SLF1: variants seen among roughly 807,000 people sequenced by gnomAD.
SLF1 encodes SMC5/6 complex localization factor 1.
SLF1 carries 105 observed loss-of-function variants against 123.0 expected under a neutral mutation model. That is an observed-to-expected ratio of 0.85 (90% CI 0.73 to 1.00). The LOEUF (loss-of-function observed/expected upper bound fraction) is 1.00. Among genes scored for constraint, SLF1 ranks in the 50% least tolerant of loss-of-function variants. The pLI, the probability that SLF1 is intolerant of heterozygous loss-of-function variation, is 0.00. For synonymous variants in SLF1, 434 were observed against 406.6 expected (o/e 1.07, Z -0.81); for missense variants, 1,239 against 1,223.0 (o/e 1.01, Z -0.20).
chr5:94,689,732 C>A (rs1752868378), intron 18 of SLF1, 126 bp downstream of exon 18: 10 of 765,482 alleles, frequency 1.3e-5, no homozygotes, highest in South Asian at 6.8e-5. Flanking sequence ...CCAGGAAGTA[C>A]CTTCTTGGAT....
chr5:94,648,333 G>A (rs574525064), intron 5 of SLF1, among the ~76,000 whole-genome samples: 6 of 152,182 alleles, frequency 3.9e-5, no homozygotes, highest in Non-Finnish European at 7.3e-5. Flanking sequence ...AAAAGGAACG[G>A]CCCTCATTTT....
rs149355059 is a variant in SLF1, at chr5:94,680,054, T to C, written c.1975+1099T>C. ...ATTATTTTTATATACTTTTATATAC[T>C]TGATATTTTAAACTGCCAAATAAGT... On this transcript the variant is annotated intron_variant, in intron 15 of 20. Coordinates refer to ENST00000265140, the MANE Select transcript of SLF1 (RefSeq NM_032290.4). Among the ~76,000 whole-genome samples the C allele has an allele frequency of 3.3e-5, 5 of 152,340 alleles. No individual in the cohort carries two copies. The East Asian group carries it at 7.7e-4, about 23-fold the overall frequency.
chr5:94,626,344 G>A (rs1035584331), intron 1 of SLF1, among the ~76,000 whole-genome samples: 1 of 151,662 alleles, frequency 6.6e-6, no homozygotes, highest in African/African-American at 2.4e-5. Context: ...ATAGTGTTTC[G>A]TGTATATGAT....
chr5:94,633,342 T>G (rs1450026519), intron 4 of SLF1, among the ~76,000 whole-genome samples: 1 of 152,236 alleles, frequency 6.6e-6, no homozygotes, highest in Non-Finnish European at 1.5e-5. Context: ...TAAACTGTAC[T>G]TCATCATGGT....
chr5:94,653,470 T>C (rs1178090940), intron 8 of SLF1, 49 bp downstream of exon 8: 1 of 1,404,272 alleles, frequency 7.1e-7, no homozygotes, highest in East Asian at 2.8e-5. Flanking sequence ...TTTTTGGCTG[T>C]TCTCTGATAT....
At chr5:94,683,571 A>T (rs1752068038) in intron 15 of SLF1, among the ~76,000 whole-genome samples, 1 of 152,222 alleles carries the variant, frequency 6.6e-6, no homozygotes, top group African/African-American at 2.4e-5. Flanking sequence ...CATGAAGAGT[A>T]AGTAGAAGTT....
At chr5:94,682,170 G>A (rs1209316885) in intron 15 of SLF1, among the ~76,000 whole-genome samples, 6 of 152,174 alleles carry the variant, frequency 3.9e-5, no homozygotes, top group Non-Finnish European at 7.3e-5. Context: ...ATCTTTGAGA[G>A]CAAAATAATC....
At chr5:94,627,588 A>ATATATC (rs201555353) in intron 1 of SLF1, among the ~76,000 whole-genome samples, 1 of 74,564 alleles carries the variant, frequency 1.3e-5, no homozygotes, top group African/African-American at 7.2e-5. Context: ...AAATTAACAT[A>ATATATC]TATATATATA....
Position 94,688,527 on chromosome 5 carries a change from T to C in SLF1, c.2143T>C (p.Leu715=). 6.2e-7 allele frequency: 1 copy of C among 1,614,086 alleles called. No individual in the cohort carries two copies. The highest frequency in any genetic ancestry group is 8.5e-7 in the Non-Finnish European group (1 of 1,179,984). ...ACAGGTATATTCCTATTTACCAGCC[T>C]TGGGGAAAACTGGTGTGCTTGGGTC... The part of the protein sequence containing the change: ...QKMVYSYLPA[L]GKTGVLGSGK... Residue 715 remains leucine (L), a synonymous_variant, in exon 17 of 21, where the codon TTG becomes CTG. Coordinates refer to ENST00000265140, the MANE Select transcript of SLF1 (RefSeq NM_032290.4).
At chr5:94,663,722 C>T in intron 10 of SLF1, 28 bp from the exon 11 acceptor site, 1 of 1,459,240 alleles carries the variant, frequency 6.9e-7, no homozygotes, top group South Asian at 1.4e-5. Context: ...TTTCTTTTCT[C>T]TGAATCATAG....
chr5:94,677,634 T>C (rs1396732692), intron 14 of SLF1, among the ~76,000 whole-genome samples: 1 of 152,018 alleles, frequency 6.6e-6, no homozygotes, highest in African/African-American at 2.4e-5. Context: ...AATTTAGTGA[T>C]TTTTTTTCCT....
rs936742349 is a variant in SLF1, at chr5:94,618,687, G to C, written c.-79G>C. Reference sequence around the variant, plus strand: ...ATTGTTTCCCAGAGCCCGGATTCGTGAAGCAGTTGAGTGCTGCAGCGGCAG... The same window carrying C: ...ATTGTTTCCCAGAGCCCGGATTCGTCAAGCAGTTGAGTGCTGCAGCGGCAG... On this transcript the variant is annotated 5_prime_UTR_variant, in exon 1 of 21. Transcript: ENST00000265140. 1 of 154,816 alleles carries C rather than the reference G, an allele frequency of 6.5e-6. No homozygotes were observed. Among genetic ancestry groups the C allele is most frequent in the African/African-American group, 2.4e-5 (1 of 41,536 alleles). The allele number at this position is 154,816 out of a possible 1,614,324, so 9.6% of individuals were successfully genotyped here. A position where few individuals can be genotyped will look rare whatever the true frequency, so the allele number is the denominator to read the frequency against.
At chr5:94,633,355 A>AT (rs930481423) in intron 4 of SLF1, among the ~76,000 whole-genome samples, 1 of 152,070 alleles carries the variant, frequency 6.6e-6, no homozygotes, top group Non-Finnish European at 1.5e-5. Flanking sequence ...ATCATGGTGT[A>AT]TTTTTTCTGG....
intron 4 of SLF1, among the ~76,000 whole-genome samples, chr5:94,637,889 A>G (rs1251536972): frequency 6.6e-6 from 1 of 151,996 alleles, no homozygotes; most frequent in Non-Finnish European, 1.5e-5. Context: ...AGTACTGTTG[A>G]AATTCCCAGT....
intron 9 of SLF1, among the ~76,000 whole-genome samples, chr5:94,658,942 C>T (rs1748748574): frequency 1.3e-5 from 1 of 76,360 alleles, no homozygotes; most frequent in Non-Finnish European, 2.6e-5. Flanking sequence ...TTCTTAAGTT[C>T]CAGGATTTCA....
chr5:94,643,355 A>G lies in SLF1; in HGVS notation c.514A>G (p.Arg172Gly), dbSNP rs1280003303. ...AACTCATGTGATTGCCAGTAATGCA[A>G]GAATTAAAGCTGAGAAAGAAAAAGA... ...GITHVIASNA[R>G]IKAEKEKDNF... The change falls in exon 5 of 21, where the codon AGA (arginine) becomes GGA (glycine). Residue 172 changes from arginine (R) to glycine (G), a missense_variant. By Grantham distance (125) the Arg-to-Gly change is moderately radical. Coordinates refer to ENST00000265140, the MANE Select transcript of SLF1 (RefSeq NM_032290.4). 1.5e-5 allele frequency: 23 copies of G among 1,545,326 alleles called. No homozygotes were observed. Among genetic ancestry groups the G allele is most frequent in the Non-Finnish European group, 1.7e-5 (20 of 1,143,472 alleles).
chr5:94,633,142 C>T (rs191888828), intron 4 of SLF1, among the ~76,000 whole-genome samples: 1 of 152,190 alleles, frequency 6.6e-6, no homozygotes, highest in Non-Finnish European at 1.5e-5. Flanking sequence ...CATATGCCAT[C>T]ACACCCGGCT....
chr5:94,659,982 G>A (rs1319153449), intron 9 of SLF1, among the ~76,000 whole-genome samples: 1 of 152,172 alleles, frequency 6.6e-6, no homozygotes, highest in Non-Finnish European at 1.5e-5. Context: ...AGGCCAGGTG[G>A]CACATGTGGG....
chr5:94,664,754 G>A (rs1193239354), intron 11 of SLF1, among the ~76,000 whole-genome samples: 1 of 152,108 alleles, frequency 6.6e-6, no homozygotes, highest in Non-Finnish European at 1.5e-5. Flanking sequence ...TCCATCTAAG[G>A]TAGTGTTAAT....
Sources: allele counts gnomAD v4.1 joint callset (sites outside exome capture counted in the v4.1 genomes callset), GRCh38; gene constraint gnomAD v4.1.1; transcripts MANE v1.5; gene names NCBI Gene and HGNC (gene_info 2026-07-23, HGNC 2026-07-21).